TNKS: variants seen among roughly 807,000 people sequenced by gnomAD.
TNKS encodes poly [ADP-ribose] polymerase tankyrase-1.
A neutral mutation model predicts 135.8 loss-of-function variants in TNKS; 72 were observed. That is an observed-to-expected ratio of 0.53 (90% confidence interval 0.44 to 0.64). TNKS has a LOEUF of 0.64. Ranked by LOEUF, TNKS falls within the 30% of genes least tolerant of loss-of-function variation. The pLI is 0.00. For synonymous variants in TNKS, 849 were observed against 649.3 expected (o/e 1.31, Z -4.68); for missense variants, 1,769 against 1,674.0 (o/e 1.06, Z -0.99).
intron 3 of TNKS, among the ~76,000 whole-genome samples, chr8:9,664,969 T>G (rs1303676680): frequency 6.6e-6 from 1 of 152,216 alleles, no homozygotes; most frequent in Non-Finnish European, 1.5e-5. Flanking sequence ...CTTCTATGCA[T>G]TAAGCCAAAT....
chr8:9,703,306 T>TA (rs1377631152), intron 5 of TNKS, among the ~76,000 whole-genome samples: 1 of 152,196 alleles, frequency 6.6e-6, no homozygotes, highest in Non-Finnish European at 1.5e-5. Context: ...GCTTAAAACT[T>TA]ATCAATTGTT....
chr8:9,667,494 T>A (rs1294633339), intron 3 of TNKS, among the ~76,000 whole-genome samples: 1 of 152,216 alleles, frequency 6.6e-6, no homozygotes, highest in Non-Finnish European at 1.5e-5. Flanking sequence ...GACCTCTGCA[T>A]CTTATAACCA....
chr8:9,669,212 A>G (rs1453650458), intron 3 of TNKS, among the ~76,000 whole-genome samples: 1 of 151,722 alleles, frequency 6.6e-6, no homozygotes, highest in Non-Finnish European at 1.5e-5. Context: ...AGGTCAGGAG[A>G]TCGAGACCAT....
chr8:9,596,350 G>C (rs1039376689), intron 2 of TNKS, among the ~76,000 whole-genome samples: 1 of 150,346 alleles, frequency 6.7e-6, no homozygotes, highest in African/African-American at 2.4e-5. Flanking sequence ...CCATATTTGA[G>C]ATAAAGATGT....
intron 3 of TNKS, among the ~76,000 whole-genome samples, chr8:9,637,950 C>G (rs1030793823): frequency 2.6e-5 from 4 of 151,974 alleles, no homozygotes; most frequent in African/African-American, 9.7e-5. Context: ...AATATTTGAA[C>G]TCTTTTTATT....
At chr8:9,690,993 C>A (rs536140402) in intron 5 of TNKS, among the ~76,000 whole-genome samples, 62 of 152,298 alleles carry the variant, frequency 4.1e-4, no homozygotes, top group South Asian at 8.3e-4. Flanking sequence ...CTGACAGGTT[C>A]TGCTTAAGAG....
chr8:9,741,886 C>T (rs533107333), intron 17 of TNKS: 14 of 247,916 alleles, frequency 5.6e-5, no homozygotes, highest in African/African-American at 1.3e-4. Flanking sequence ...CTTTATTCAC[C>T]ATCACCCATA....
At chr8:9,774,059 G>A (rs1808092645) in intron 26 of TNKS, among the ~76,000 whole-genome samples, 1 of 151,842 alleles carries the variant, frequency 6.6e-6, no homozygotes, top group Non-Finnish European at 1.5e-5. Flanking sequence ...CTTGAAGATT[G>A]AAAAGATATA....
chr8:9,607,934 C>A (rs969763973), intron 2 of TNKS, among the ~76,000 whole-genome samples: 7 of 152,080 alleles, frequency 4.6e-5, no homozygotes, highest in African/African-American at 1.4e-4. Context: ...ATGACACCGC[C>A]TTGATTTGTG....
intron 11 of TNKS, among the ~76,000 whole-genome samples, chr8:9,716,912 A>G (rs543144087): frequency 6.6e-6 from 1 of 151,510 alleles, no homozygotes; most frequent in South Asian, 2.1e-4. Context: ...TCTGGGATGA[A>G]AAAGGGAGAA....
chr8:9,772,192 G>A (rs1585454063), intron 26 of TNKS, among the ~76,000 whole-genome samples: 1 of 151,388 alleles, frequency 6.6e-6, no homozygotes, highest in Non-Finnish European at 1.5e-5. Flanking sequence ...TGCTAAATAT[G>A]GGGATTGTTT....
At chr8:9,639,616 G>T (rs534568229) in intron 3 of TNKS, among the ~76,000 whole-genome samples, 1 of 150,508 alleles carries the variant, frequency 6.6e-6, no homozygotes, top group South Asian at 2.1e-4. Flanking sequence ...CTATGTTTTA[G>T]ATATTTATTG....
intron 1 of TNKS, among the ~76,000 whole-genome samples, chr8:9,570,947 C>T (rs904445222): frequency 6.6e-6 from 1 of 152,096 alleles, no homozygotes; most frequent in African/African-American, 2.4e-5. Flanking sequence ...CCAGCCTGGG[C>T]AATAGAGTAA....
At chr8:9,706,598 A>G (rs1804059049) in intron 7 of TNKS, among the ~76,000 whole-genome samples, 1 of 152,334 alleles carries the variant, frequency 6.6e-6, no homozygotes, top group African/African-American at 2.4e-5. Context: ...ATTTTAAGAG[A>G]ATAAAATACG....
At chr8:9,764,624 C>CTATT (rs1204555800) in intron 22 of TNKS, 92 bp from the exon 23 acceptor site, 1 of 889,146 alleles carries the variant, frequency 1.1e-6, no homozygotes, top group Non-Finnish European at 1.7e-6. Flanking sequence ...TAGTGAACTC[C>CTATT]TATTTATTTA....
intron 3 of TNKS, among the ~76,000 whole-genome samples, chr8:9,629,886 G>C (rs1441022605): frequency 2.6e-5 from 4 of 152,112 alleles, no homozygotes; most frequent in African/African-American, 4.8e-5. Context: ...GTTTCACCGT[G>C]TTAGCCAGGA....
At position 9,657,460 on chromosome 8, in the gene TNKS, TGGCCGGGCGGGG is replaced by T. The variant is rs1440747720; in HGVS notation, c.995-22487_995-22476del. On this transcript the variant is annotated intron_variant, in intron 3 of 26. Transcript: ENST00000310430. ...CCACCTCCCTCCCGGACAGGGCGGC[TGGCCGGGCGGGG>T]GGCTGACCCCCCCACCTCCCTCCCG... is the stretch of plus-strand genomic sequence containing the variant. Among the ~76,000 whole-genome samples the T allele has an allele frequency of 6.5e-5, 6 of 91,718 alleles. No individual in the cohort carries two copies. In the East Asian group the frequency reaches 2.0e-3, roughly 30 times the overall value. The allele number at this position is 91,718 out of a possible 152,430, so 60.2% of individuals were successfully genotyped here. A position where few individuals can be genotyped will look rare whatever the true frequency, so the allele number is the denominator to read the frequency against.
chr8:9,601,784 G>A (rs148971702), intron 2 of TNKS, among the ~76,000 whole-genome samples: 104 of 152,202 alleles, frequency 6.8e-4, no homozygotes, highest in Non-Finnish European at 1.2e-3. Context: ...GATACTTAGA[G>A]ATCATCTTTA....
chr8:9,572,949 T>G (rs1463822845), intron 1 of TNKS, among the ~76,000 whole-genome samples: 2 of 152,146 alleles, frequency 1.3e-5, no homozygotes, highest in Non-Finnish European at 2.9e-5. Context: ...TTTTCATTGT[T>G]AAGAATTTTT....
Sources: gnomAD v4.1 joint callset for allele counts (sites outside exome capture counted in the v4.1 genomes callset) on GRCh38, gnomAD v4.1.1 for gene constraint, MANE v1.5 for transcripts, NCBI Gene and HGNC (gene_info 2026-07-23, HGNC 2026-07-21) for gene names.